CDH18: variants seen among roughly 807,000 people sequenced by gnomAD.
The protein encoded by CDH18 is cadherin 18.
In CDH18, 31 loss-of-function variants were observed where a neutral mutation model predicts 67.9. The observed-to-expected ratio is 0.46, with a 90% CI of 0.34 to 0.62. The LOEUF is 0.62. CDH18 is among the 20% of genes least tolerant of loss of function. The probability of loss-of-function intolerance (pLI) is 0.01; values close to 1 mark genes in which losing one functional copy is unlikely to be tolerated. For missense variants in CDH18, 890 were observed against 975.5 expected, an observed-to-expected ratio of 0.91 and a Z score of 1.17; for synonymous variants, 362 against 347.2, an observed-to-expected ratio of 1.04 and a Z score of -0.48.
intron 9 of CDH18, among the ~76,000 whole-genome samples, chr5:19,536,848 G>A (rs1246836269): frequency 6.6e-6 from 1 of 152,266 alleles, no homozygotes; most frequent in East Asian, 1.9e-4. Context: ...AAATGCTGAA[G>A]ACCTTCTCCA....
intron 1 of CDH18, among the ~76,000 whole-genome samples, chr5:20,497,726 A>ATTT (rs1753995090): frequency 1.3e-5 from 2 of 152,288 alleles, no homozygotes; most frequent in Admixed American, 1.3e-4. Flanking sequence ...TGCATGAAAA[A>ATTT]TAAAAGAGAC....
intron 5 of CDH18, among the ~76,000 whole-genome samples, chr5:19,709,699 AAAAAGAAAAGAAAAG>A (rs1207436239): frequency 6.6e-6 from 1 of 151,792 alleles, no homozygotes; most frequent in Non-Finnish European, 1.5e-5. Context: ...GAAAAGGAAA[AAAAAGAAAAGAAAAG>A]AAAAGAAAAA....
At chr5:20,410,522 A>G (rs1746677154) in intron 1 of CDH18, among the ~76,000 whole-genome samples, 2 of 151,696 alleles carry the variant, frequency 1.3e-5, no homozygotes, top group Non-Finnish European at 3.0e-5. Context: ...TATTATAAAG[A>G]GCAGCAAAAA....
At chr5:19,730,493 C>T (rs1189986587) in intron 4 of CDH18, among the ~76,000 whole-genome samples, 2 of 152,118 alleles carry the variant, frequency 1.3e-5, no homozygotes, top group African/African-American at 4.8e-5. Context: ...CAAGAATTTG[C>T]ATATACATAA....
At chr5:19,779,822 C>G (rs967085139) in intron 3 of CDH18, among the ~76,000 whole-genome samples, 26 of 152,192 alleles carry the variant, frequency 1.7e-4, no homozygotes, top group Middle Eastern at 3.4e-3. Flanking sequence ...CTAGCAGTCT[C>G]TCATCAGGGT....
At chr5:20,244,667 G>T (rs1002943005) in intron 2 of CDH18, among the ~76,000 whole-genome samples, 2 of 152,082 alleles carry the variant, frequency 1.3e-5, no homozygotes, top group Non-Finnish European at 2.9e-5. Flanking sequence ...ATGATAAATA[G>T]TTGAAAATAT....
chr5:19,807,612 C>T (rs1003652745), intron 3 of CDH18, among the ~76,000 whole-genome samples: 1 of 152,166 alleles, frequency 6.6e-6, no homozygotes, highest in Non-Finnish European at 1.5e-5. Context: ...TTTGAGCCTT[C>T]ACTGCACAAA....
chr5:20,060,976 A>C (rs562163506), intron 2 of CDH18, among the ~76,000 whole-genome samples: 19 of 152,174 alleles, frequency 1.2e-4, no homozygotes, highest in African/African-American at 4.1e-4. Context: ...TCAAAATAGA[A>C]AGCTGATTTC....
intron 1 of CDH18, among the ~76,000 whole-genome samples, chr5:20,543,115 A>C (rs1186406655): frequency 6.6e-6 from 1 of 152,054 alleles, no homozygotes; most frequent in Non-Finnish European, 1.5e-5. Flanking sequence ...AAATAATTGC[A>C]AAAAATATGG....
At chr5:20,119,189 A>G (rs1748159000) in intron 2 of CDH18, among the ~76,000 whole-genome samples, 1 of 152,200 alleles carries the variant, frequency 6.6e-6, no homozygotes, top group East Asian at 1.9e-4. Context: ...CAATTAAATT[A>G]TGAAGAAGAA....
chr5:20,087,548 C>T (rs1045772679), intron 2 of CDH18, among the ~76,000 whole-genome samples: 3 of 151,796 alleles, frequency 2.0e-5, no homozygotes, highest in African/African-American at 7.3e-5. Flanking sequence ...TGACCTTAAC[C>T]TTCAGCAAAC....
rs946288948 is a variant in CDH18 at position 19,475,494 on chromosome 5, A to T, written c.1883-1778T>A. The stretch of plus-strand genomic sequence containing the variant: ...CTTTCACATCCTTGTTAAGTCAAAA[A>T]ATCTTAAGTCAAACTATTGTTGGTT... On this transcript the variant is annotated intron_variant, in intron 12 of 12. Transcript: ENST00000382275. 6.6e-5 allele frequency among the ~76,000 whole-genome samples: 10 copies of T among 150,710 alleles called. No individual in the cohort carries two copies. The East Asian group carries it at 2.0e-3, about 30-fold the overall frequency.
chr5:20,320,579 C>G (rs1479516170), intron 1 of CDH18, among the ~76,000 whole-genome samples: 1 of 152,164 alleles, frequency 6.6e-6, no homozygotes, highest in African/African-American at 2.4e-5. Context: ...ATGAGGTAAA[C>G]AGTCAGTCAG....
intron 1 of CDH18, among the ~76,000 whole-genome samples, chr5:20,324,136 C>G (rs931270085): frequency 5.9e-5 from 9 of 152,222 alleles, no homozygotes; most frequent in Non-Finnish European, 1.3e-4. Flanking sequence ...CAACCCACCA[C>G]CACTCAATGT....
intron 8 of CDH18, among the ~76,000 whole-genome samples, chr5:19,560,907 A>T (rs1321480028): frequency 6.6e-6 from 1 of 152,204 alleles, no homozygotes; most frequent in East Asian, 1.9e-4. Context: ...CAGATGAAAA[A>T]AATTCAACAT....
intron 5 of CDH18, among the ~76,000 whole-genome samples, chr5:19,680,779 C>G (rs914542547): frequency 1.3e-5 from 2 of 151,818 alleles, no homozygotes; most frequent in African/African-American, 4.8e-5. Context: ...GGTGAGGTTG[C>G]AGAGAAAAGG....
At chr5:20,261,021 A>T (rs1744611125) in intron 1 of CDH18, among the ~76,000 whole-genome samples, 1 of 152,200 alleles carries the variant, frequency 6.6e-6, no homozygotes, top group African/African-American at 2.4e-5. Context: ...AAATAATTGG[A>T]TGCTGTTTTA....
At chr5:20,092,420 T>C (rs970446407) in intron 2 of CDH18, among the ~76,000 whole-genome samples, 5 of 152,160 alleles carry the variant, frequency 3.3e-5, no homozygotes, top group Non-Finnish European at 5.9e-5. Flanking sequence ...ACAGGTTAGC[T>C]GAAATTGTGA....
intron 1 of CDH18, among the ~76,000 whole-genome samples, chr5:20,468,073 G>T (rs1314740882): frequency 6.6e-6 from 1 of 151,780 alleles, no homozygotes. Flanking sequence ...GGAGTACAGT[G>T]GTGCAATCTC....
Sources: allele counts gnomAD v4.1 joint callset (sites outside exome capture counted in the v4.1 genomes callset), GRCh38; gene constraint gnomAD v4.1.1; transcripts MANE v1.5; gene names NCBI Gene and HGNC (gene_info 2026-07-23, HGNC 2026-07-21).